Variants in ULK4 observed in about 807,000 individuals in gnomAD.
ULK4 encodes unc-51 like kinase 4.
ULK4 carries 133 observed loss-of-function variants against 160.6 expected under a neutral mutation model. The observed-to-expected ratio is 0.83, with a 90% CI of 0.72 to 0.96. The LOEUF (loss-of-function observed/expected upper bound fraction) is 0.96. Ranked by LOEUF, ULK4 falls within the 40% of genes least tolerant of loss-of-function variation. The pLI is 0.00. For synonymous variants in ULK4, 534 were observed against 539.8 expected (o/e 0.99, Z 0.15); for missense variants, 1,580 against 1,499.5 (o/e 1.05, Z -0.89).
intron 1 of ULK4, among the ~76,000 whole-genome samples, chr3:41,959,195 C>G (rs1179828228): frequency 6.6e-6 from 1 of 152,178 alleles, no homozygotes; most frequent in African/African-American, 2.4e-5. Flanking sequence ...GAAACCCCAT[C>G]TCTACTAAAA....
chr3:41,438,177 C>T (rs952179278), intron 34 of ULK4, among the ~76,000 whole-genome samples: 15 of 149,202 alleles, frequency 1.0e-4, no homozygotes, highest in Admixed American at 2.0e-4. Context: ...AAATAATTAT[C>T]GAGAAATACC....
chr3:41,706,106 T>C (rs1403218011), intron 25 of ULK4, among the ~76,000 whole-genome samples: 2 of 151,994 alleles, frequency 1.3e-5, no homozygotes, highest in Non-Finnish European at 2.9e-5. Context: ...CCATGCACCA[T>C]GCTAGTGCCT....
intron 35 of ULK4, among the ~76,000 whole-genome samples, chr3:41,364,826 A>G: frequency 6.6e-6 from 1 of 152,142 alleles, no homozygotes; most frequent in Admixed American, 6.5e-5. Flanking sequence ...TCAGATACAA[A>G]TCTTTTTTAC....
chr3:41,700,247 C>T (rs1285044255), intron 27 of ULK4, among the ~76,000 whole-genome samples: 2 of 152,148 alleles, frequency 1.3e-5, no homozygotes, highest in Non-Finnish European at 1.5e-5. Flanking sequence ...AGAGTTGAGA[C>T]CATGAGAGCA....
intron 29 of ULK4, among the ~76,000 whole-genome samples, chr3:41,680,647 A>T (rs545093381): frequency 6.6e-6 from 1 of 152,174 alleles, no homozygotes; most frequent in Non-Finnish European, 1.5e-5. Context: ...TACTATGATC[A>T]TTAATTTTTT....
intron 35 of ULK4, among the ~76,000 whole-genome samples, chr3:41,285,791 G>A (rs1404797986): frequency 6.6e-6 from 1 of 152,196 alleles, no homozygotes; most frequent in African/African-American, 2.4e-5. Context: ...CCTAGCTGAT[G>A]AGCAAAGATA....
chr3:41,827,099 C>A (rs1162065625), intron 18 of ULK4, among the ~76,000 whole-genome samples: 1 of 149,142 alleles, frequency 6.7e-6, no homozygotes, highest in Non-Finnish European at 1.5e-5. Flanking sequence ...TAAAGATGTT[C>A]TTTGAAACCA....
chr3:41,558,263 G>A (rs1158822408), intron 32 of ULK4, among the ~76,000 whole-genome samples: 1 of 152,080 alleles, frequency 6.6e-6, no homozygotes, highest in East Asian at 1.9e-4. Context: ...CCATAAAACA[G>A]AATAGGATGT....
chr3:41,783,529 C>G (rs2039915627), intron 21 of ULK4, among the ~76,000 whole-genome samples: 2 of 145,136 alleles, frequency 1.4e-5, no homozygotes, highest in Non-Finnish European at 3.0e-5. Flanking sequence ...GACCAAGACT[C>G]TGTCTCAAAA....
At chr3:41,421,321 T>C (rs1234493718) in intron 34 of ULK4, among the ~76,000 whole-genome samples, 1 of 152,218 alleles carries the variant, frequency 6.6e-6, no homozygotes, top group Non-Finnish European at 1.5e-5. Flanking sequence ...TGTATCATAC[T>C]GCCTGCACCC....
intron 30 of ULK4, among the ~76,000 whole-genome samples, chr3:41,636,317 T>C (rs1292758056): frequency 1.3e-5 from 2 of 152,110 alleles, no homozygotes; most frequent in Admixed American, 6.6e-5. Flanking sequence ...GGTGGATTAC[T>C]TGAGTCCAAG....
chr3:41,305,411 G>A (rs927006477), intron 35 of ULK4, among the ~76,000 whole-genome samples: 8 of 152,258 alleles, frequency 5.3e-5, no homozygotes, highest in Non-Finnish European at 7.3e-5. Context: ...TGGTGGAGAC[G>A]GGGTTTCGCT....
chr3:41,822,209 C>G (rs1244037462), intron 18 of ULK4, among the ~76,000 whole-genome samples: 1 of 149,004 alleles, frequency 6.7e-6, no homozygotes, highest in African/African-American at 2.6e-5. Flanking sequence ...CTGCCAGTCT[C>G]TCCAACCCTG....
intron 22 of ULK4, among the ~76,000 whole-genome samples, chr3:41,731,433 A>G (rs147626784): frequency 6.6e-6 from 1 of 152,192 alleles, no homozygotes; most frequent in South Asian, 2.1e-4. Context: ...AGGAGGTGAA[A>G]GCCCTCTACA....
intron 35 of ULK4, among the ~76,000 whole-genome samples, chr3:41,320,267 C>G (rs1388563411): frequency 1.3e-5 from 2 of 152,102 alleles, no homozygotes; most frequent in Non-Finnish European, 2.9e-5. Context: ...CAAAGGGTAG[C>G]CATTATAATT....
chr3:41,392,330 G>T (rs1241379171), intron 35 of ULK4, among the ~76,000 whole-genome samples: 1 of 152,092 alleles, frequency 6.6e-6, no homozygotes, highest in Non-Finnish European at 1.5e-5. Flanking sequence ...CACCCTAGAG[G>T]CAAAACACAT....
chr3:41,701,957 AAAAAT>A (rs1237603913), intron 27 of ULK4, among the ~76,000 whole-genome samples: 4 of 152,312 alleles, frequency 2.6e-5, no homozygotes, highest in Non-Finnish European at 4.4e-5. Context: ...AAACAAAATG[AAAAAT>A]AAAATGTCAA....
chr3:41,574,087 C>G (rs76173211), intron 31 of ULK4, among the ~76,000 whole-genome samples: 1 of 151,814 alleles, frequency 6.6e-6, no homozygotes, highest in Non-Finnish European at 1.5e-5. Context: ...GAGGCTGAGG[C>G]AGAATTGCTT....
At chr3:41,639,403 A>T (rs910339337) in intron 30 of ULK4, among the ~76,000 whole-genome samples, 1 of 152,212 alleles carries the variant, frequency 6.6e-6, no homozygotes, top group Admixed American at 6.5e-5. Context: ...AGACAAAAAG[A>T]AAAGTTGTAA....
Sources: allele counts gnomAD v4.1 joint callset (sites outside exome capture counted in the v4.1 genomes callset), GRCh38; gene constraint gnomAD v4.1.1; transcripts MANE v1.5; gene names NCBI Gene and HGNC (gene_info 2026-07-23, HGNC 2026-07-21).